The following TENT4B variants were observed in gnomAD, a reference collection of about 807,000 sequenced individuals.
TENT4B encodes PAP associated domain containing 5.
In TENT4B, 10 loss-of-function variants were observed where a neutral mutation model predicts 75.0. The observed-to-expected ratio is 0.13, with a 90% CI of 0.08 to 0.23. The LOEUF (loss-of-function observed/expected upper bound fraction) is 0.23. TENT4B is among the 10% of genes least tolerant of loss of function. The probability of loss-of-function intolerance (pLI) is 1.00; values close to 1 mark genes in which losing one functional copy is unlikely to be tolerated. For synonymous variants in TENT4B, 350 were observed against 357.7 expected (o/e 0.98, Z 0.24); for missense variants, 579 against 893.8 (o/e 0.65, Z 4.49).
At chr16:50,218,080 G>A (rs148555799) in intron 5 of TENT4B, among the ~76,000 whole-genome samples, 38 of 151,816 alleles carry the variant, frequency 2.5e-4, no homozygotes, top group African/African-American at 8.5e-4. Context: ...TGTATGCAAC[G>A]GTTTTGCTTT....
intron 1 of TENT4B, among the ~76,000 whole-genome samples, chr16:50,167,675 G>GTTT (rs968461060): frequency 6.6e-6 from 1 of 151,632 alleles, no homozygotes; most frequent in Non-Finnish European, 1.5e-5. Context: ...TTTTGTTGTT[G>GTTT]TTGAGACAGT....
At chr16:50,179,958 G>A (rs572979867) in intron 1 of TENT4B, among the ~76,000 whole-genome samples, 1 of 152,028 alleles carries the variant, frequency 6.6e-6, no homozygotes, top group Non-Finnish European at 1.5e-5. Context: ...CAGTGGGCTT[G>A]ATAGTGATAA....
intron 1 of TENT4B, among the ~76,000 whole-genome samples, chr16:50,174,742 CTTTTTT>C (rs35242106): frequency 2.6e-5 from 2 of 75,816 alleles, no homozygotes; most frequent in African/African-American, 9.5e-5. Context: ...CTCCCCTACT[CTTTTTT>C]TTTTTTTTTT....
At chr16:50,191,688 G>A (rs1247772683) in intron 1 of TENT4B, among the ~76,000 whole-genome samples, 1 of 152,214 alleles carries the variant, frequency 6.6e-6, no homozygotes, top group Non-Finnish European at 1.5e-5. Flanking sequence ...GGGAGGCCGA[G>A]GCGGGCAGAT....
At chr16:50,169,398 T>G (rs906644528) in intron 1 of TENT4B, among the ~76,000 whole-genome samples, 27 of 142,206 alleles carry the variant, frequency 1.9e-4, no homozygotes, top group African/African-American at 7.6e-4. Context: ...TTTTTTTTTT[T>G]TTTTTTTTTT....
chr16:50,216,200 G>A lies in TENT4B; in HGVS notation c.930+5G>A. 6.2e-7 allele frequency: 1 copy of A among 1,613,902 alleles called. No homozygotes were observed. Among genetic ancestry groups the A allele is most frequent in the Non-Finnish European group, 8.5e-7 (1 of 1,179,826 alleles). On this transcript the variant is annotated splice_donor_5th_base_variant and intron_variant, in intron 4 of 11. Coordinates refer to ENST00000561678, the MANE Select transcript of TENT4B (RefSeq NM_001365324.3). ...AAAGTTTTAGACAAAGCAACTGTAAGTTCTGCAGCATTTCATATTAAAATC... is the reference window on the plus strand; with the variant it reads ...AAAGTTTTAGACAAAGCAACTGTAAATTCTGCAGCATTTCATATTAAAATC...
At chr16:50,193,978 C>T (rs974283573) in intron 1 of TENT4B, among the ~76,000 whole-genome samples, 2 of 152,084 alleles carry the variant, frequency 1.3e-5, no homozygotes, top group Non-Finnish European at 2.9e-5. Context: ...TTTATAGATG[C>T]GGAGACTGAG....
In TENT4B at chr16:50,225,222, T is replaced by C. The variant is rs777802104; in HGVS notation, c.1737T>C (p.Ser579=). The change falls in exon 10 of 12, where the codon TCT becomes TCC. Residue 579 remains serine, a synonymous_variant. Transcript: ENST00000561678. ...SKTSESLSKH[S]SNSSSGPVSS... is the part of the protein sequence containing the mutation. ...CCTCGGAATCTCTTAGTAAACACTC[T>C]TCAAACTCTTCATCAGGTCCAGTGT... 2.2e-5 allele frequency: 35 copies of C among 1,614,022 alleles called. No homozygotes were observed. The highest frequency in any genetic ancestry group is 3.0e-5 in the Non-Finnish European group (35 of 1,179,882).
intron 1 of TENT4B, among the ~76,000 whole-genome samples, chr16:50,185,239 G>T (rs899635098): frequency 6.6e-6 from 1 of 152,176 alleles, no homozygotes; most frequent in Non-Finnish European, 1.5e-5. Context: ...TGTATTACTA[G>T]CCTAGTAGGA....
Position 50,232,125 on chromosome 16 carries a change from G to A in TENT4B, c.*2797G>A. On this transcript the variant is annotated 3_prime_UTR_variant, in exon 12 of 12. Transcript: ENST00000561678. ...TTTAGAGGAGCTGATGGGTTGGTGAGGTGTCAGCACAAAATCTTACTGGTT... is the reference window on the plus strand; with the variant it reads ...TTTAGAGGAGCTGATGGGTTGGTGAAGTGTCAGCACAAAATCTTACTGGTT... The A allele has an allele frequency of 2.0e-6, 2 of 985,338 alleles. No individual in the cohort carries two copies. Among genetic ancestry groups the A allele is most frequent in the African/African-American group, 1.7e-5 (1 of 57,310 alleles). 61.0% of individuals were successfully genotyped at this position (985,338 alleles called of 1,614,324 possible).
chr16:50,156,705 AGTGGAGTGAC>A (rs2037908201), intron 1 of TENT4B, among the ~76,000 whole-genome samples: 1 of 151,354 alleles, frequency 6.6e-6, no homozygotes, highest in South Asian at 2.1e-4. Flanking sequence ...CCTAGGCTGG[AGTGGAGTGAC>A]GTGATCATAG....
intron 1 of TENT4B, among the ~76,000 whole-genome samples, chr16:50,164,480 T>C (rs1053073270): frequency 6.6e-6 from 1 of 151,892 alleles, no homozygotes; most frequent in Non-Finnish European, 1.5e-5. Flanking sequence ...GGCTAATTTT[T>C]GTATTTTTAG....
In TENT4B at chr16:50,224,909, T is replaced by C. The variant is rs953348978; in HGVS notation, c.1527T>C (p.Ile509=). The C allele has an allele frequency of 5.6e-6, 9 of 1,613,586 alleles. No homozygotes were observed. Among genetic ancestry groups the C allele is most frequent in the Non-Finnish European group, 7.6e-6 (9 of 1,179,694 alleles). ...CATGCAGCATACTAGGTAGAATAAT[T>C]AGAGTAACAGATGAAGTTGCCACAT... The part of the protein sequence containing the change: ...NETESILGRI[I]RVTDEVATYR... The change falls in exon 9 of 12, where the codon ATT becomes ATC. Residue 509 remains isoleucine (I), a synonymous_variant. Coordinates refer to ENST00000561678, the MANE Select transcript of TENT4B (RefSeq NM_001365324.3).
intron 5 of TENT4B, 44 bp downstream of exon 5, chr16:50,217,707 A>G: frequency 1.7e-6 from 2 of 1,157,228 alleles, no homozygotes; most frequent in Non-Finnish European, 1.2e-6. Context: ...TTAGAAACGT[A>G]ATTTTAAGAT....
At chr16:50,156,990 T>G (rs569298163) in intron 1 of TENT4B, among the ~76,000 whole-genome samples, 1 of 152,304 alleles carries the variant, frequency 6.6e-6, no homozygotes, top group African/African-American at 2.4e-5. Flanking sequence ...AGAAAGTTTT[T>G]CTATTTTTAA....
At chr16:50,220,059 G>A (rs1195456635) in intron 5 of TENT4B, among the ~76,000 whole-genome samples, 1 of 151,616 alleles carries the variant, frequency 6.6e-6, no homozygotes, top group East Asian at 1.9e-4. Flanking sequence ...CGCGATCTTG[G>A]CTCACTGCAA....
At chr16:50,202,095 T>C (rs1034878886) in intron 1 of TENT4B, among the ~76,000 whole-genome samples, 2 of 152,216 alleles carry the variant, frequency 1.3e-5, no homozygotes, top group African/African-American at 4.8e-5. Flanking sequence ...CCACTACTAA[T>C]AGTTAAAACA....
chr16:50,188,007 A>G (rs2038567099), intron 1 of TENT4B, among the ~76,000 whole-genome samples: 2 of 152,330 alleles, frequency 1.3e-5, no homozygotes, highest in East Asian at 1.9e-4. Context: ...GGGCTCAAGC[A>G]GTTCCTCTCA....
upstream of TENT4B, chr16:50,152,936 G>C: frequency 2.0e-6 from 3 of 1,501,930 alleles, no homozygotes; most frequent in African/African-American, 1.4e-5. Flanking sequence ...CTCCCTGCGG[G>C]GCGGGCGGCA....
Sources: gnomAD v4.1 joint callset for allele counts (sites outside exome capture counted in the v4.1 genomes callset) on GRCh38, gnomAD v4.1.1 for gene constraint, MANE v1.5 for transcripts, NCBI Gene and HGNC (gene_info 2026-07-23, HGNC 2026-07-21) for gene names.